The following ANO10 variants were observed in gnomAD, a reference collection of about 807,000 sequenced individuals.
ANO10 encodes the protein anoctamin-10.
Under a neutral mutation model 74.7 loss-of-function variants are expected in ANO10, and 77 were observed. The ratio of observed to expected loss-of-function variants is 1.03; its 90% confidence interval spans 0.86 to 1.25. The LOEUF (loss-of-function observed/expected upper bound fraction) is 1.25, where lower values mean the gene tolerates loss of function less well. Among genes scored for constraint, ANO10 ranks in the 50% most tolerant of loss-of-function variants. The pLI is 0.00. For missense variants in ANO10, 721 were observed against 778.1 expected (o/e 0.93, Z 0.87); for synonymous variants, 279 against 284.9 (o/e 0.98, Z 0.21).
intron 1 of ANO10, among the ~76,000 whole-genome samples, chr3:43,659,499 G>A (rs1305354097): frequency 1.3e-5 from 2 of 152,194 alleles, no homozygotes; most frequent in Non-Finnish European, 2.9e-5. Context: ...GAGCTTGGTG[G>A]GGGGAGGGGC....
chr3:43,637,662 G>A lies in ANO10; in HGVS notation c.-11-31799C>T, dbSNP rs927982805. On this transcript the variant is annotated intron_variant, in intron 1 of 3. Coordinates refer to the ANO10 transcript ENST00000413397. Reference sequence around the variant, plus strand: ...CCTGTGCAGAGCTATTTCTTCTTGAGCTTCACAGCACTTTGTGTACAGAAA... The same window carrying A: ...CCTGTGCAGAGCTATTTCTTCTTGAACTTCACAGCACTTTGTGTACAGAAA... 8 of 151,224 alleles carry A rather than the reference G, an allele frequency of 5.3e-5. No individual in the cohort carries two copies. In the East Asian group the frequency reaches 5.8e-4, roughly 11 times the overall value. The allele number at this position is 151,224 out of a possible 1,614,324, so 9.4% of individuals were successfully genotyped here.
intron 11 of ANO10, among the ~76,000 whole-genome samples, chr3:43,440,567 A>G (rs1444904965): frequency 6.6e-6 from 1 of 152,202 alleles, no homozygotes; most frequent in East Asian, 1.9e-4. Flanking sequence ...ACAAATATTG[A>G]TGGAATTGAA....
At chr3:43,533,843 C>T (rs1192128646) in intron 11 of ANO10, among the ~76,000 whole-genome samples, 1 of 152,218 alleles carries the variant, frequency 6.6e-6, no homozygotes, top group East Asian at 1.9e-4. Context: ...GGTCATCTTA[C>T]ACATGGATTC....
chr3:43,391,514 T>C (rs2092274232), intron 12 of ANO10, among the ~76,000 whole-genome samples: 1 of 152,218 alleles, frequency 6.6e-6, no homozygotes, highest in Admixed American at 6.5e-5. Flanking sequence ...CTCCTGGGAT[T>C]CACTCCTTTG....
In ANO10 at chr3:43,576,723, A is replaced by C; in HGVS notation, c.1131T>G (p.Tyr377Ter). The C allele has an allele frequency of 1.2e-6, 2 of 1,614,192 alleles. No homozygotes were observed. The highest frequency in any genetic ancestry group is 1.7e-6 in the Non-Finnish European group (2 of 1,180,042). Residue 377 changes from tyrosine (Y) to a stop codon, truncating the protein, a stop_gained, in exon 6 of 13, where the codon TAT becomes TAG. Transcript: ENST00000292246. LOFTEE classifies it high-confidence loss of function. ...AAGTTAAAAACTCGGCAGCATATCGATAGAGACGATTCATGATCTCAATCA... is the reference window on the plus strand; with the variant it reads ...AAGTTAAAAACTCGGCAGCATATCGCTAGAGACGATTCATGATCTCAATCA... ...AIVIEIMNRL[Y>*]RYAAEFLTSW... is the part of the protein sequence containing the mutation.
rs943663759 is a variant in ANO10, at chr3:43,554,921, C to T, written c.1668+357G>A. Among the ~76,000 whole-genome samples the T allele has an allele frequency of 2.6e-5, 4 of 152,136 alleles. No individual in the cohort carries two copies. The South Asian group carries it at 8.3e-4, about 31-fold the overall frequency. On this transcript the variant is annotated intron_variant, in intron 10 of 12. Transcript: ENST00000292246. Reference sequence around the variant, plus strand: ...GAGTCTCATTACTGCCAGATAGGAGCAGAAGTCTAGGCTCCCCATGTGGCT... The same window carrying T: ...GAGTCTCATTACTGCCAGATAGGAGTAGAAGTCTAGGCTCCCCATGTGGCT...
chr3:43,405,028 T>C (rs1485415501), intron 12 of ANO10, among the ~76,000 whole-genome samples: 1 of 152,228 alleles, frequency 6.6e-6, no homozygotes, highest in Non-Finnish European at 1.5e-5. Flanking sequence ...CAGAAATTAG[T>C]TACAAAACTT....
intron 11 of ANO10, among the ~76,000 whole-genome samples, chr3:43,463,091 G>A (rs2075454687): frequency 6.6e-6 from 1 of 152,226 alleles, no homozygotes; most frequent in Non-Finnish European, 1.5e-5. Context: ...GAAGGGAAAT[G>A]AGGGGTCAGA....
At chr3:43,429,153 G>A (rs894928172) in intron 12 of ANO10, among the ~76,000 whole-genome samples, 1 of 151,994 alleles carries the variant, frequency 6.6e-6, no homozygotes, top group African/African-American at 2.4e-5. Context: ...ACCCTCAATG[G>A]CAAATATAAC....
chr3:43,456,565 A>G (rs1206066531), intron 11 of ANO10, among the ~76,000 whole-genome samples: 1 of 152,264 alleles, frequency 6.6e-6, no homozygotes, highest in Non-Finnish European at 1.5e-5. Context: ...AAATTCATAC[A>G]TAGCCACATA....
intron 12 of ANO10, among the ~76,000 whole-genome samples, chr3:43,405,456 G>A (rs1405400155): frequency 6.6e-6 from 1 of 152,170 alleles, no homozygotes; most frequent in Non-Finnish European, 1.5e-5. Flanking sequence ...TAATTTATGA[G>A]AAACTGGCAA....
intron 4 of ANO10, among the ~76,000 whole-genome samples, chr3:43,597,882 C>T (rs1269489855): frequency 6.6e-6 from 1 of 152,040 alleles, no homozygotes; most frequent in Non-Finnish European, 1.5e-5. Flanking sequence ...CACACCACTG[C>T]ACTCCATTCT....
intron 4 of ANO10, among the ~76,000 whole-genome samples, chr3:43,596,176 A>G (rs1297204961): frequency 1.3e-5 from 2 of 152,112 alleles, no homozygotes; most frequent in South Asian, 4.2e-4. Context: ...TCGTGAAAAT[A>G]GCCATACTGC....
At chr3:43,451,139 G>C (rs1040705252) in intron 11 of ANO10, among the ~76,000 whole-genome samples, 1 of 152,198 alleles carries the variant, frequency 6.6e-6, no homozygotes, top group African/African-American at 2.4e-5. Context: ...GTTGGACCTT[G>C]AGAGAGGCAA....
intron 12 of ANO10, among the ~76,000 whole-genome samples, chr3:43,385,104 T>C (rs967718238): frequency 6.6e-6 from 1 of 151,840 alleles, no homozygotes; most frequent in African/African-American, 2.4e-5. Flanking sequence ...AAAAGTAGGC[T>C]AAGGACATGA....
chr3:43,433,225 G>T (rs1362192190), intron 11 of ANO10, among the ~76,000 whole-genome samples: 1 of 152,036 alleles, frequency 6.6e-6, no homozygotes, highest in Non-Finnish European at 1.5e-5. Flanking sequence ...GGGATTACAG[G>T]TGTTGAGCGA....
chr3:43,673,608 C>T (rs866439769), intron 1 of ANO10, among the ~76,000 whole-genome samples: 5 of 151,922 alleles, frequency 3.3e-5, no homozygotes, highest in Non-Finnish European at 5.9e-5. Context: ...ATGGATTTAC[C>T]AGGAAAAAAC....
intron 1 of ANO10, among the ~76,000 whole-genome samples, chr3:43,676,180 C>T (rs868121912): frequency 6.6e-6 from 1 of 152,006 alleles, no homozygotes; most frequent in Non-Finnish European, 1.5e-5. Context: ...TAAATATAGG[C>T]CAAGTATGGT....
intron 1 of ANO10, among the ~76,000 whole-genome samples, chr3:43,647,948 A>C (rs959055900): frequency 6.6e-5 from 10 of 152,154 alleles, no homozygotes; most frequent in Non-Finnish European, 1.3e-4. Context: ...TACTATTACC[A>C]TTAAAGGCCC....
Sources: allele counts gnomAD v4.1 joint callset (sites outside exome capture counted in the v4.1 genomes callset), GRCh38; gene constraint gnomAD v4.1.1; transcripts MANE v1.5; gene names NCBI Gene and HGNC (gene_info 2026-07-23, HGNC 2026-07-21).